LOC400499: variants seen among roughly 807,000 people sequenced by gnomAD.
chr16:11,431,033 C>CA, the LOC400499 span: 19 of 398,982 alleles, frequency 4.8e-5, no homozygotes, highest in African/African-American at 3.9e-4. Context: ...CCCAGGCCCT[C>CA]ACCCTCTTGA....
At chr16:11,515,872 CCCAGCCCAGCCCAGCCCAGCCTAGCCCA>C in the LOC400499 span, 2 of 38,356 alleles carry the variant, frequency 5.2e-5, no homozygotes. Context: ...CCCAGCCCAG[CCCAGCCCAGCCCAGCCCAGCCTAGCCCA>C]GCCCAGCCCA....
the LOC400499 span, among the ~76,000 whole-genome samples, chr16:11,459,188 ATTTTTTTTTTTTT>A: frequency 4.2e-5 from 5 of 119,890 alleles, no homozygotes; most frequent in South Asian, 5.0e-4. Context: ...TCCTAAACCA[ATTTTTTTTTTTTT>A]TTTTTTTTTT....
chr16:11,373,785 A>T, the LOC400499 span, among the ~76,000 whole-genome samples: 6 of 151,868 alleles, frequency 4.0e-5, no homozygotes, highest in African/African-American at 1.5e-4. Flanking sequence ...ATGCCCGGCT[A>T]ATTTTTATAT....
the LOC400499 span, chr16:11,448,919 C>A: frequency 6.8e-7 from 1 of 1,469,936 alleles, no homozygotes; most frequent in Non-Finnish European, 9.1e-7. Context: ...GGGTTCTTAC[C>A]CACTCCAGGT....
the LOC400499 span, chr16:11,449,048 T>C: frequency 2.0e-6 from 3 of 1,490,542 alleles, no homozygotes; most frequent in Non-Finnish European, 2.7e-6. Flanking sequence ...CGTTCCAGGC[T>C]GACTCGAGTT....
the LOC400499 span, among the ~76,000 whole-genome samples, chr16:11,379,144 A>T: frequency 6.6e-5 from 10 of 152,228 alleles, no homozygotes; most frequent in African/African-American, 2.4e-4. Context: ...AATCCCAGCT[A>T]CTCTGAGGCC....
the LOC400499 span, among the ~76,000 whole-genome samples, chr16:11,498,617 C>T: frequency 1.3e-5 from 2 of 152,162 alleles, no homozygotes; most frequent in South Asian, 2.1e-4. Flanking sequence ...GCTTCACGAA[C>T]CCGGTGCATT....
chr16:11,409,626 A>C, the LOC400499 span, among the ~76,000 whole-genome samples: 1 of 152,248 alleles, frequency 6.6e-6, no homozygotes. Flanking sequence ...TTAAAACAAA[A>C]CAAAACAGTT....
chr16:11,490,594 G>C, the LOC400499 span, among the ~76,000 whole-genome samples: 5 of 151,998 alleles, frequency 3.3e-5, no homozygotes, highest in Non-Finnish European at 5.9e-5. Flanking sequence ...CTAGCTACTT[G>C]GGAGGCTGAG....
chr16:11,382,003 C>T, the LOC400499 span, among the ~76,000 whole-genome samples: 8 of 151,390 alleles, frequency 5.3e-5, no homozygotes, highest in East Asian at 3.9e-4. Context: ...AGTGCAGTGG[C>T]GCAATCTCGG....
the LOC400499 span, among the ~76,000 whole-genome samples, chr16:11,479,940 TG>T: frequency 6.6e-6 from 1 of 152,226 alleles, no homozygotes; most frequent in Admixed American, 6.5e-5. Flanking sequence ...ATGCCACGTA[TG>T]TTTTTTATAA....
the LOC400499 span, among the ~76,000 whole-genome samples, chr16:11,481,971 G>C: frequency 1.3e-5 from 2 of 152,186 alleles, no homozygotes; most frequent in Non-Finnish European, 2.9e-5. Flanking sequence ...TTACATATGA[G>C]AATTTCATCT....
the LOC400499 span, among the ~76,000 whole-genome samples, chr16:11,452,023 C>T: frequency 2.0e-5 from 3 of 152,164 alleles, no homozygotes; most frequent in South Asian, 2.1e-4. Flanking sequence ...CACCGGTCTG[C>T]ACATGCCCCA....
At chr16:11,402,798 C>A in the LOC400499 span, among the ~76,000 whole-genome samples, 3 of 152,170 alleles carry the variant, frequency 2.0e-5, no homozygotes, top group African/African-American at 7.2e-5. Context: ...TTGCTTTATG[C>A]CGCTGAGTTT....
At chr16:11,376,729 A>T in the LOC400499 span, among the ~76,000 whole-genome samples, 3 of 152,306 alleles carry the variant, frequency 2.0e-5, no homozygotes, top group South Asian at 6.2e-4. Flanking sequence ...GTGAAGAAAA[A>T]ATGCCACTGG....
chr16:11,391,620 A>G, the LOC400499 span: 1,228,112 of 1,229,030 alleles, frequency 1, 613,614 homozygotes, highest in Non-Finnish European at 1. Flanking sequence ...GAGAGGGGGG[A>G]CATTGATTTC....
At chr16:11,402,255 G>A in the LOC400499 span, 150 of 398,600 alleles carry the variant, frequency 3.8e-4, 2 homozygotes, top group East Asian at 5.3e-3. Flanking sequence ...TGACGCCACT[G>A]CCAGCTCACG....
At chr16:11,405,787 C>G in the LOC400499 span, among the ~76,000 whole-genome samples, 8 of 152,286 alleles carry the variant, frequency 5.3e-5, no homozygotes, top group Admixed American at 2.0e-4. Flanking sequence ...CCAGAGGGAT[C>G]TGAAATCATC....
chr16:11,431,002 G>C, the LOC400499 span: 6,641 of 399,066 alleles, frequency 0.017, 196 homozygotes, highest in African/African-American at 0.082. Flanking sequence ...GAAAGTGCTT[G>C]CCGCTGCCCC....
Sources: allele counts gnomAD v4.1 joint callset (sites outside exome capture counted in the v4.1 genomes callset), GRCh38; gene constraint gnomAD v4.1.1; transcripts MANE v1.5.